The following COL4A5 variants were observed in gnomAD, a reference collection of about 807,000 sequenced individuals.
The protein encoded by COL4A5 is collagen alpha-5(IV) chain.
A neutral mutation model predicts 130.2 loss-of-function variants in COL4A5; 26 were observed. The ratio of observed to expected loss-of-function variants is 0.20; its 90% CI spans 0.15 to 0.28. The LOEUF (loss-of-function observed/expected upper bound fraction) is 0.28, where lower values mean the gene tolerates loss of function less well. Among genes scored for constraint, COL4A5 ranks in the 10% least tolerant of loss-of-function variants. The pLI is 1.00. For missense variants in COL4A5, 1,131 were observed against 1,344.3 expected, an observed-to-expected ratio of 0.84 and a Z score of 2.48; for synonymous variants, 496 against 439.6, an observed-to-expected ratio of 1.13 and a Z score of -1.60.
intron 37 of COL4A5, 32 bp downstream of exon 37, chrX:108,655,489 T>C (rs1194186166): frequency 8.3e-7 from 1 of 1,206,317 alleles, no homozygotes; most frequent in East Asian, 3.0e-5. Context: ...GCTTCCTTCT[T>C]TCCTTCCTTA....
chrX:108,696,277 T>C lies in COL4A5; in HGVS notation c.4995-20T>C. ...ATACCAGAAAATGTGGATCTGATTG[T>C]CTTATTTCTTATTTCCCAGTAAACC... On this transcript the variant is annotated intron_variant, in intron 52 of 52. Transcript: ENST00000328300. 3.4e-6 allele frequency: 4 copies of C among 1,162,362 alleles called. No homozygotes were observed. The highest frequency in any genetic ancestry group is 4.7e-6 in the Non-Finnish European group (4 of 850,684).
intron 1 of COL4A5, among the ~76,000 whole-genome samples, chrX:108,444,266 G>C (rs1222586795): frequency 9.4e-6 from 1 of 106,065 alleles, no homozygotes; most frequent in African/African-American, 3.5e-5. Context: ...ACCCAGGCTA[G>C]AGTGCAGTGG....
chrX:108,545,457 A>T (rs182659987), intron 2 of COL4A5, among the ~76,000 whole-genome samples: 1 of 111,767 alleles, frequency 8.9e-6, no homozygotes, highest in African/African-American at 3.3e-5. Flanking sequence ...GTTTGATTGC[A>T]CTGTGGTCTG....
intron 49 of COL4A5, chrX:108,690,221 G>T (rs2068622859): frequency 2.9e-5 from 4 of 139,924 alleles, no homozygotes; most frequent in Admixed American, 1.9e-4. Context: ...CTTACAGTTA[G>T]AAAGTGATGG....
chrX:108,583,855 G>T (rs1018693341), intron 17 of COL4A5, among the ~76,000 whole-genome samples: 9 of 109,980 alleles, frequency 8.2e-5, no homozygotes, highest in East Asian at 2.8e-4. Flanking sequence ...GAATATTGTG[G>T]TTTTTTTCAT....
chrX:108,566,692 G>A (rs1472454630), intron 4 of COL4A5, among the ~76,000 whole-genome samples: 1 of 110,717 alleles, frequency 9.0e-6, no homozygotes, highest in Non-Finnish European at 1.9e-5. Flanking sequence ...GGGGCTACAG[G>A]CGTCCACCAC....
chrX:108,678,267 C>A (rs1481728054), intron 44 of COL4A5, among the ~76,000 whole-genome samples: 2 of 111,504 alleles, frequency 1.8e-5, no homozygotes, highest in Non-Finnish European at 1.9e-5. Flanking sequence ...TCTTTTAATT[C>A]TGAAGACTGC....
chrX:108,662,998 T>C (rs904110363), intron 37 of COL4A5, among the ~76,000 whole-genome samples: 8 of 112,206 alleles, frequency 7.1e-5, no homozygotes, highest in Admixed American at 1.9e-4. Flanking sequence ...ATCATAGCCA[T>C]AGTAACATTG....
intron 47 of COL4A5, 98 bp downstream of exon 47, chrX:108,681,986 C>A (rs1242441254): frequency 1.2e-6 from 1 of 842,616 alleles, no homozygotes; most frequent in Non-Finnish European, 1.7e-6. Flanking sequence ...ATACACTTGC[C>A]ATGGTGGTTT....
chrX:108,633,482 C>T (rs1258291760), intron 36 of COL4A5, among the ~76,000 whole-genome samples: 1 of 110,711 alleles, frequency 9.0e-6, no homozygotes, highest in South Asian at 3.8e-4. Context: ...ATTCTTTATT[C>T]ACTGATATAA....
chrX:108,455,465 T>C (rs2147479237), intron 1 of COL4A5, among the ~76,000 whole-genome samples: 1 of 112,354 alleles, frequency 8.9e-6, no homozygotes, highest in African/African-American at 3.2e-5. Context: ...CAATTATTAC[T>C]TAACTCAATT....
chrX:108,664,790 C>T (rs1249973550), intron 37 of COL4A5, among the ~76,000 whole-genome samples: 1 of 111,490 alleles, frequency 9.0e-6, no homozygotes, highest in Non-Finnish European at 1.9e-5. Flanking sequence ...ATACAAGTGG[C>T]CAATAATCAC....
At chrX:108,568,511 A>G (rs978677406) in intron 4 of COL4A5, 118 bp from the exon 5 acceptor site, 1 of 534,294 alleles carries the variant, frequency 1.9e-6, no homozygotes, top group Non-Finnish European at 3.3e-6. Context: ...AGTAATAAAT[A>G]GTGAGACACA....
At chrX:108,635,599 C>A (rs886364691) in intron 36 of COL4A5, among the ~76,000 whole-genome samples, 4 of 111,440 alleles carry the variant, frequency 3.6e-5, no homozygotes, top group African/African-American at 9.8e-5. Context: ...GTGCAAGGAA[C>A]CCAGAATAGT....
intron 1 of COL4A5, among the ~76,000 whole-genome samples, chrX:108,454,126 T>C (rs1382975486): frequency 8.9e-6 from 1 of 112,384 alleles, no homozygotes; most frequent in African/African-American, 3.2e-5. Flanking sequence ...AGTTGTTGAA[T>C]GAATGTTGAA....
At chrX:108,542,544 T>C (rs1310645400) in intron 2 of COL4A5, among the ~76,000 whole-genome samples, 1 of 111,024 alleles carries the variant, frequency 9.0e-6, no homozygotes, top group Admixed American at 9.5e-5. Flanking sequence ...TCTTTGCTAT[T>C]GTGAATAGTG....
intron 2 of COL4A5, among the ~76,000 whole-genome samples, chrX:108,556,657 T>C (rs2065826059): frequency 9.0e-6 from 1 of 111,213 alleles, no homozygotes; most frequent in African/African-American, 3.3e-5. Context: ...ACAGTAGTTG[T>C]AAGGATTAAA....
At chrX:108,442,924 A>C (rs771816109) in intron 1 of COL4A5, 3 of 112,046 alleles carry the variant, frequency 2.7e-5, no homozygotes, top group Non-Finnish European at 5.6e-5. Context: ...CGTTGAATAC[A>C]TTCCCAGAAA....
chrX:108,571,733 T>A (rs1716726046), intron 7 of COL4A5, 78 bp from the exon 8 acceptor site: 1 of 768,757 alleles, frequency 1.3e-6, no homozygotes, highest in South Asian at 2.2e-5. Context: ...CATTTTATAC[T>A]CTATTTAGAA....
Sources: allele counts gnomAD v4.1 joint callset (sites outside exome capture counted in the v4.1 genomes callset), GRCh38; gene constraint gnomAD v4.1.1; transcripts MANE v1.5; gene names NCBI Gene and HGNC (gene_info 2026-07-23, HGNC 2026-07-21).